Variants in GLB1L2 observed in about 807,000 individuals in gnomAD.
GLB1L2 encodes beta-galactosidase-1-like protein 2.
Under a neutral mutation model 84.1 loss-of-function variants are expected in GLB1L2, and 68 were observed. That is an observed-to-expected ratio of 0.81 (90% CI 0.67 to 0.99). The LOEUF is 0.99. Ranked by LOEUF, GLB1L2 falls within the 50% of genes least tolerant of loss-of-function variation. The pLI is 0.00. For synonymous variants in GLB1L2, 290 were observed against 318.0 expected, an observed-to-expected ratio of 0.91 and a Z score of 0.94; for missense variants, 762 against 805.6, an observed-to-expected ratio of 0.95 and a Z score of 0.66.
chr11:134,345,933 G>A (rs1176157040), intron 4 of GLB1L2, among the ~76,000 whole-genome samples: 7 of 152,198 alleles, frequency 4.6e-5, no homozygotes, highest in Admixed American at 3.3e-4. Context: ...GTGTTCTGTG[G>A]TTGGAGTGGA....
At chr11:134,349,961 T>A (rs531438803) in intron 5 of GLB1L2, among the ~76,000 whole-genome samples, 1 of 152,162 alleles carries the variant, frequency 6.6e-6, no homozygotes, top group Non-Finnish European at 1.5e-5. Flanking sequence ...GCCGGCGCCC[T>A]TTCCTACTGT....
rs758144772 is a variant in GLB1L2 at position 134,370,205 on chromosome 11, C to T, written c.1109-88C>T. On this transcript the variant is annotated intron_variant, in intron 11 of 18. Coordinates refer to ENST00000535456, the MANE Select transcript of GLB1L2 (RefSeq NM_001370461.1). This position sits in a 1 kb window ranked among gnomAD's most constrained non-coding sequence, Gnocchi z 4.7. Reference sequence around the variant, plus strand: ...TTGGTGCTGGGACGCAGGAGCACATCGGGTCTGTGGATGGGAGCCGGGTGG... The same window carrying T: ...TTGGTGCTGGGACGCAGGAGCACATTGGGTCTGTGGATGGGAGCCGGGTGG... 9.1e-5 allele frequency: 98 copies of T among 1,074,352 alleles called. 2 individuals are homozygous for T. The highest frequency in any genetic ancestry group is 5.9e-4 in the South Asian group (45 of 75,790). The allele number at this position is 1,074,352 out of a possible 1,614,324, so 66.6% of individuals were successfully genotyped here.
intron 5 of GLB1L2, 53 bp downstream of exon 5, chr11:134,347,486 G>A: frequency 7.8e-7 from 1 of 1,280,754 alleles, no homozygotes; most frequent in Non-Finnish European, 1.1e-6. Context: ...TCTAGGTCGT[G>A]GATCATCCTT....
rs911578141 is a variant in GLB1L2 at position 134,367,273 on chromosome 11, T to A, written c.821T>A (p.Met274Lys). 1.2e-6 allele frequency: 2 copies of A among 1,614,010 alleles called. No homozygotes were observed. The highest frequency in any genetic ancestry group is 2.7e-5 in the African/African-American group (2 of 74,926). ...GGTGTCCAGGGGACTCAGCCCAAGA[T>A]GGTGATGGAGTACTGGACGGGGTGG... ...LFNVQGTQPK[M>K]VMEYWTGWFD... The change falls in exon 9 of 19, where the codon ATG becomes AAG. Residue 274 changes from methionine (M) to lysine (K), a missense_variant. Met to Lys is a moderately conservative substitution (Grantham distance 95, BLOSUM62 -1). Around this residue, in one of 3 missense-constraint regions of GLB1L2, gnomAD observed 603 missense variants for 611.7 expected, o/e 0.99. Transcript: ENST00000535456.
intron 1 of GLB1L2, among the ~76,000 whole-genome samples, chr11:134,337,984 G>A (rs543906425): frequency 7.2e-5 from 11 of 152,292 alleles, no homozygotes; most frequent in East Asian, 3.9e-4. Context: ...CTTTGGGGCC[G>A]GCAAGGACTT....
rs75493803 is a variant in GLB1L2, at chr11:134,346,892, G to A, written c.450-433G>A. ...GGGACTGCCTCCTGCTCAGCCCCTC[G>A]CAGTCTCTGTCAGGCTTGTTTTTTG... On this transcript the variant is annotated intron_variant, in intron 4 of 18. Transcript: ENST00000535456. 841 of 178,220 alleles carry A rather than the reference G, an allele frequency of 4.7e-3. 4 individuals carry two copies. The highest frequency in any genetic ancestry group is 7.4e-3 in the Non-Finnish European group (604 of 81,854). The allele number at this position is 178,220 out of a possible 1,614,324, so 11.0% of individuals were successfully genotyped here.
Position 134,371,791 on chromosome 11 carries a change from C to T in GLB1L2, c.1468C>T (p.Arg490Ter), listed in dbSNP as rs776363435. ...GAGGATCTTGGTGGAGAATCGTGGGCGAGTCAACTATGGGGAGAATATTGA... is the reference window on the plus strand; with the variant it reads ...GAGGATCTTGGTGGAGAATCGTGGGTGAGTCAACTATGGGGAGAATATTGA... ...VLRILVENRG[R>*]VNYGENIDDQ... The change falls in exon 15 of 19, where the codon CGA becomes TGA. Residue 490 changes from arginine to a stop codon, truncating the protein, a stop_gained. Coordinates refer to ENST00000535456, the MANE Select transcript of GLB1L2 (RefSeq NM_001370461.1). LOFTEE classifies it high-confidence loss of function. 15 of 1,613,940 alleles carry T rather than the reference C, an allele frequency of 9.3e-6. No homozygotes were observed. Among genetic ancestry groups the T allele is most frequent in the African/African-American group, 2.7e-5 (2 of 74,886 alleles).
intron 2 of GLB1L2, among the ~76,000 whole-genome samples, chr11:134,343,802 C>T (rs776962185): frequency 1.3e-5 from 2 of 152,208 alleles, no homozygotes; most frequent in Non-Finnish European, 2.9e-5. Context: ...GGAAGCCAGG[C>T]AGGCTCTCCT....
At chr11:134,342,648 G>A (rs892852081) in intron 1 of GLB1L2, 106 bp from the exon 2 acceptor site, 2 of 1,137,920 alleles carry the variant, frequency 1.8e-6, no homozygotes, top group Non-Finnish European at 2.5e-6. Context: ...CCACCTGGAC[G>A]CAGGCGCCCT....
chr11:134,367,181 G>A, intron 8 of GLB1L2, 76 bp from the exon 9 acceptor site: 1 of 1,195,254 alleles, frequency 8.4e-7, no homozygotes, highest in Non-Finnish European at 1.2e-6. Context: ...AGATCCTGGG[G>A]CTCCCCTCCA....
chr11:134,362,314 T>C (rs1456567840), intron 7 of GLB1L2, among the ~76,000 whole-genome samples: 3 of 141,372 alleles, frequency 2.1e-5, no homozygotes, highest in African/African-American at 8.1e-5. Context: ...GCTGCCCGCG[T>C]TCCCTTCCCC....
Position 134,370,237 on chromosome 11 carries a change from C to A in GLB1L2, c.1109-56C>A. The A allele has an allele frequency of 1.4e-6, 2 of 1,445,934 alleles. No homozygotes were observed. The highest frequency in any genetic ancestry group is 9.7e-7 in the Non-Finnish European group (1 of 1,027,886). The allele number at this position is 1,445,934 out of a possible 1,614,324, so 89.6% of individuals were successfully genotyped here. On this transcript the variant is annotated intron_variant, in intron 11 of 18. Transcript: ENST00000535456. The surrounding 1 kb of genome is among the most constrained non-coding windows in gnomAD (Gnocchi z 4.7). Reference sequence around the variant, plus strand: ...GTGGATGGGAGCCGGGTGGGGAGGACGAGCAGGCAGTGACATTTGGGTCCG... The same window carrying A: ...GTGGATGGGAGCCGGGTGGGGAGGAAGAGCAGGCAGTGACATTTGGGTCCG...
intron 5 of GLB1L2, among the ~76,000 whole-genome samples, chr11:134,354,609 C>T (rs1943677084): frequency 6.6e-6 from 1 of 151,786 alleles, no homozygotes. Context: ...ATTTTTCCCT[C>T]ATTTTTGAGT....
Position 134,356,259 on chromosome 11 carries a change from C to T in GLB1L2, c.559-42C>T, listed in dbSNP as rs183259156. The stretch of plus-strand genomic sequence containing the variant: ...GTGGCAGGGTTGGATACTACAGTTC[C>T]CCTGCACACTCAGCTCCTGGTTTTC... On this transcript the variant is annotated intron_variant, in intron 5 of 18. Coordinates refer to ENST00000535456, the MANE Select transcript of GLB1L2 (RefSeq NM_001370461.1). 68 of 1,509,918 alleles carry T rather than the reference C, an allele frequency of 4.5e-5. No individual in the cohort carries two copies. In the Admixed American group the frequency reaches 1.0e-3, roughly 23 times the overall value. 93.5% of individuals were successfully genotyped at this position (1,509,918 alleles called of 1,614,324 possible).
chr11:134,367,339 C>T lies in GLB1L2; in HGVS notation c.887C>T (p.Ser296Phe). ...GGCCCTCACAATATCTTGGATTCTT[C>T]TGGTGAGTGCTTGCGGTGACTACAT... is the stretch of plus-strand genomic sequence containing the variant. ...WGGPHNILDS[S>F]EVLKTVSAIV... Residue 296 changes from serine to phenylalanine, a missense_variant and splice_region_variant, in exon 9 of 19, where the codon TCT (serine) becomes TTT (phenylalanine). Physicochemically the swap from Ser to Phe is radical, Grantham distance 155. Coordinates refer to ENST00000535456, the MANE Select transcript of GLB1L2 (RefSeq NM_001370461.1). 10 of 1,613,098 alleles carry T rather than the reference C, an allele frequency of 6.2e-6. No homozygotes were observed. The highest frequency in any genetic ancestry group is 8.5e-6 in the Non-Finnish European group (10 of 1,179,146).
intron 2 of GLB1L2, among the ~76,000 whole-genome samples, chr11:134,343,797 C>G (rs1305666512): frequency 6.6e-6 from 1 of 152,214 alleles, no homozygotes; most frequent in Non-Finnish European, 1.5e-5. Context: ...GGGTTGGAAG[C>G]CAGGCAGGCT....
At chr11:134,362,160 C>T (rs1943802093) in intron 7 of GLB1L2, among the ~76,000 whole-genome samples, 1 of 152,186 alleles carries the variant, frequency 6.6e-6, no homozygotes. Context: ...TTCTGGGTGA[C>T]TTCCTGAGCT....
intron 8 of GLB1L2, 69 bp downstream of exon 8, chr11:134,364,467 C>A: frequency 8.3e-7 from 1 of 1,211,986 alleles, no homozygotes; most frequent in Non-Finnish European, 1.2e-6. Flanking sequence ...GAATGCCTGT[C>A]AGCGTGCTCA....
At chr11:134,343,496 A>G (rs545105866) in intron 2 of GLB1L2, among the ~76,000 whole-genome samples, 1 of 152,214 alleles carries the variant, frequency 6.6e-6, no homozygotes, top group African/African-American at 2.4e-5. Flanking sequence ...TTTTCCCCCC[A>G]AATTGCCAAC....
Sources: allele counts gnomAD v4.1 joint callset (sites outside exome capture counted in the v4.1 genomes callset), GRCh38; gene constraint gnomAD v4.1.1; regional missense constraint gnomAD v4.1.1; non-coding constraint Gnocchi (gnomAD v3.1); transcripts MANE v1.5; gene names NCBI Gene and HGNC (gene_info 2026-07-23, HGNC 2026-07-21).